Variants in ADGRV1 observed in about 807,000 individuals in gnomAD.
The protein encoded by ADGRV1 is G-protein coupled receptor 98.
In ADGRV1, 359 loss-of-function variants were observed where a neutral mutation model predicts 596.2. That is an observed-to-expected ratio of 0.60 (90% CI 0.55 to 0.66). ADGRV1 has a LOEUF of 0.66. Among genes scored for constraint, ADGRV1 ranks in the 30% least tolerant of loss-of-function variants. The pLI is 0.00. For missense variants in ADGRV1, 7,274 were observed against 7,575.6 expected, an observed-to-expected ratio of 0.96 and a Z score of 1.48; for synonymous variants, 2,681 against 2,679.2, an observed-to-expected ratio of 1.00 and a Z score of -0.02.
At chr5:90,870,540 A>C (rs1236019886) in intron 83 of ADGRV1, among the ~76,000 whole-genome samples, 2 of 152,212 alleles carry the variant, frequency 1.3e-5, no homozygotes, top group African/African-American at 2.4e-5. Context: ...CATCATGAGG[A>C]GATTAGTCCT....
intron 85 of ADGRV1, among the ~76,000 whole-genome samples, chr5:91,038,700 C>T (rs1046007161): frequency 2.0e-5 from 3 of 152,102 alleles, no homozygotes; most frequent in Non-Finnish European, 4.4e-5. Context: ...TGACAGCAAG[C>T]ATCTTAAATA....
At chr5:90,797,184 A>G (rs1279989161) in intron 70 of ADGRV1, among the ~76,000 whole-genome samples, 2 of 151,610 alleles carry the variant, frequency 1.3e-5, no homozygotes, top group Non-Finnish European at 2.9e-5. Context: ...GCCAAATTGG[A>G]TAAAGAGTCA....
intron 45 of ADGRV1, among the ~76,000 whole-genome samples, chr5:90,721,947 G>A (rs1751097989): frequency 6.6e-6 from 1 of 152,146 alleles, no homozygotes; most frequent in Admixed American, 6.5e-5. Context: ...AAGGAGGAAT[G>A]TTGAGCTTGG....
In ADGRV1 at chr5:91,102,255, C is replaced by T; in HGVS notation, c.18347C>T (p.Ser6116Phe). ...ATTTTATATCTCTTTGCTCTGATTTCCGTGACATGGCTTTGGGGAGGACTA... is the reference window on the plus strand; with the variant it reads ...ATTTTATATCTCTTTGCTCTGATTTTCGTGACATGGCTTTGGGGAGGACTA... ...PLILYLFALI[S>F]VTWLWGGLHM... The change falls in exon 87 of 90, where the codon TCC (serine) becomes TTC (phenylalanine). Residue 6116 changes from serine to phenylalanine, a missense_variant. Transcript: ENST00000405460. 6.2e-7 allele frequency: 1 copy of T among 1,610,764 alleles called. No individual in the cohort carries two copies. The highest frequency in any genetic ancestry group is 1.1e-5 in the South Asian group (1 of 90,632).
intron 83 of ADGRV1, among the ~76,000 whole-genome samples, chr5:90,955,750 A>G (rs975394326): frequency 1.3e-5 from 2 of 152,188 alleles, no homozygotes; most frequent in African/African-American, 4.8e-5. Flanking sequence ...TATGTTGGAT[A>G]AAATATTTGG....
rs1311635397 is a variant in ADGRV1 at position 90,685,875 on chromosome 5, G to A, written c.6370G>A (p.Ala2124Thr). The A allele has an allele frequency of 3.1e-6, 5 of 1,611,976 alleles. No individual in the cohort carries two copies. Among genetic ancestry groups the A allele is most frequent in the Non-Finnish European group, 4.2e-6 (5 of 1,178,654 alleles). Reference sequence around the variant, plus strand: ...TGCATTTGGAACTCTTCAGCTCTCAGCACCAATTGTCCGAGTGGCAGAAAA... The same window carrying A: ...TGCATTTGGAACTCTTCAGCTCTCAACACCAATTGTCCGAGTGGCAGAAAA... The part of the protein sequence containing the change: ...DDAFGTLQLS[A>T]PIVRVAENHV... The change falls in exon 29 of 90, where the codon GCA (alanine) becomes ACA (threonine). Residue 2124 changes from alanine to threonine, a missense_variant. Around this residue, in one of 5 missense-constraint regions of ADGRV1, gnomAD observed 3,643 missense variants for 3,809.2 expected, o/e 0.96. Coordinates refer to ENST00000405460, the MANE Select transcript of ADGRV1 (RefSeq NM_032119.4).
intron 70 of ADGRV1, chr5:90,791,758 G>C (rs1490760243): frequency 6.3e-6 from 1 of 158,454 alleles, no homozygotes. Flanking sequence ...AAGAGGATTT[G>C]TGAATACAGA....
intron 67 of ADGRV1, among the ~76,000 whole-genome samples, chr5:90,784,803 A>G (rs1759246229): frequency 6.6e-6 from 1 of 152,196 alleles, no homozygotes; most frequent in Non-Finnish European, 1.5e-5. Context: ...TTCCATGCTC[A>G]TGGATAGGAA....
Position 91,022,932 on chromosome 5 carries a change from A to T in ADGRV1, c.18152+37410A>T, listed in dbSNP as rs6862544. Reference sequence around the variant, plus strand: ...CATATTTAAAGGAGACACAAGAGCTAAAAATAAGTAAATTTAGGTGTGAAG... The same window carrying T: ...CATATTTAAAGGAGACACAAGAGCTTAAAATAAGTAAATTTAGGTGTGAAG... On this transcript the variant is annotated intron_variant, in intron 85 of 89. Coordinates refer to ENST00000405460, the MANE Select transcript of ADGRV1 (RefSeq NM_032119.4). Among the ~76,000 whole-genome samples, 1,275 of 152,240 alleles carry T rather than the reference A, an allele frequency of 8.4e-3. 22 individuals carry two copies. The highest frequency in any genetic ancestry group is 0.029 in the African/African-American group (1,204 of 41,558).
At chr5:90,956,823 G>C (rs1777522362) in intron 83 of ADGRV1, among the ~76,000 whole-genome samples, 1 of 152,176 alleles carries the variant, frequency 6.6e-6, no homozygotes, top group African/African-American at 2.4e-5. Context: ...GGAGTCAACA[G>C]ACTTGGCTCA....
chr5:90,909,829 A>G (rs1431857940), intron 83 of ADGRV1, among the ~76,000 whole-genome samples: 2 of 152,224 alleles, frequency 1.3e-5, no homozygotes, highest in Admixed American at 6.5e-5. Flanking sequence ...TCTATCTTTA[A>G]AAAGTTTTTT....
chr5:90,694,795 A>G (rs1446999404), intron 33 of ADGRV1, 94 bp downstream of exon 33: 6 of 1,143,242 alleles, frequency 5.2e-6, no homozygotes, highest in Non-Finnish European at 7.2e-6. Context: ...TACTGTGTAC[A>G]TTCTTGTTAA....
chr5:91,008,352 A>G (rs545067850), intron 85 of ADGRV1, among the ~76,000 whole-genome samples: 46 of 152,288 alleles, frequency 3.0e-4, no homozygotes, highest in African/African-American at 9.6e-4. Flanking sequence ...AGAGATGCAT[A>G]CGGCACACTA....
At chr5:90,565,399 G>A (rs1408973503) in intron 1 of ADGRV1, among the ~76,000 whole-genome samples, 1 of 152,120 alleles carries the variant, frequency 6.6e-6, no homozygotes, top group Non-Finnish European at 1.5e-5. Flanking sequence ...CTATAGATGT[G>A]CCTATTCTGG....
intron 88 of ADGRV1, among the ~76,000 whole-genome samples, chr5:91,152,373 T>A (rs535006336): frequency 1.5e-3 from 225 of 152,318 alleles, no homozygotes; most frequent in South Asian, 3.1e-3. Context: ...TCCTTATAGA[T>A]ACCTACTATA....
At chr5:90,727,959 C>A (rs1207335158) in intron 48 of ADGRV1, among the ~76,000 whole-genome samples, 1 of 152,180 alleles carries the variant, frequency 6.6e-6, no homozygotes, top group African/African-American at 2.4e-5. Flanking sequence ...CAGTACTTGA[C>A]TCATTTTATA....
At chr5:90,988,591 A>G (rs988927525) in intron 85 of ADGRV1, among the ~76,000 whole-genome samples, 3 of 151,680 alleles carry the variant, frequency 2.0e-5, no homozygotes, top group Admixed American at 1.3e-4. Context: ...TACCCATATT[A>G]TATATTCAAA....
chr5:91,083,289 G>T (rs999000185), intron 86 of ADGRV1, among the ~76,000 whole-genome samples: 3 of 152,054 alleles, frequency 2.0e-5, no homozygotes, highest in Non-Finnish European at 4.4e-5. Flanking sequence ...TATACCTAAT[G>T]TAAATGACGA....
At chr5:90,964,315 C>G (rs1389214122) in intron 83 of ADGRV1, among the ~76,000 whole-genome samples, 1 of 151,932 alleles carries the variant, frequency 6.6e-6, no homozygotes. Flanking sequence ...TTTCCTCTGT[C>G]CTTTTGGAAT....
Sources: allele counts gnomAD v4.1 joint callset (sites outside exome capture counted in the v4.1 genomes callset), GRCh38; gene constraint gnomAD v4.1.1; regional missense constraint gnomAD v4.1.1; transcripts MANE v1.5; gene names NCBI Gene and HGNC (gene_info 2026-07-23, HGNC 2026-07-21).